Variants in DSCAM observed in about 807,000 individuals in gnomAD.
DSCAM encodes the protein DS cell adhesion molecule.
Under a neutral mutation model 217.7 loss-of-function variants are expected in DSCAM, and 47 were observed. The ratio of observed to expected loss-of-function variants is 0.22; its 90% CI spans 0.17 to 0.28. The LOEUF (loss-of-function observed/expected upper bound fraction) is 0.28, where lower values mean the gene tolerates loss of function less well. Among genes scored for constraint, DSCAM ranks in the 10% least tolerant of loss-of-function variants. The pLI is 1.00. For synonymous variants in DSCAM, 1,056 were observed against 1,015.3 expected (o/e 1.04, Z -0.76); for missense variants, 2,080 against 2,618.3 (o/e 0.79, Z 4.49).
intron 8 of DSCAM, among the ~76,000 whole-genome samples, chr21:40,331,383 C>T (rs540226899): frequency 3.3e-5 from 5 of 152,288 alleles, no homozygotes; most frequent in African/African-American, 4.8e-5. Context: ...CATTAGAAGA[C>T]GGCATCCCCG....
intron 3 of DSCAM, among the ~76,000 whole-genome samples, chr21:40,589,767 C>T (rs757205380): frequency 1.3e-5 from 2 of 152,098 alleles, no homozygotes; most frequent in African/African-American, 2.4e-5. Flanking sequence ...CTAGCATGTG[C>T]GGTCATTACA....
intron 11 of DSCAM, among the ~76,000 whole-genome samples, chr21:40,226,462 C>T (rs2091333848): frequency 6.6e-6 from 1 of 152,016 alleles, no homozygotes; most frequent in African/African-American, 2.4e-5. Context: ...AGATATCAAG[C>T]AGCAGAAGAG....
intron 11 of DSCAM, among the ~76,000 whole-genome samples, chr21:40,204,912 A>T (rs2837496): frequency 0.04 from 6,086 of 152,320 alleles, 194 homozygotes; most frequent in East Asian, 0.13. Flanking sequence ...TCCAGCAGTG[A>T]AATGGGTAAA....
intron 3 of DSCAM, among the ~76,000 whole-genome samples, chr21:40,578,338 A>G (rs1028471964): frequency 6.6e-6 from 1 of 152,206 alleles, no homozygotes; most frequent in African/African-American, 2.4e-5. Context: ...TTTTGCATCT[A>G]GCTAAAGGAT....
chr21:40,651,669 T>C (rs145919921), intron 3 of DSCAM, among the ~76,000 whole-genome samples: 56 of 152,320 alleles, frequency 3.7e-4, no homozygotes, highest in African/African-American at 1.3e-3. Context: ...TCACCGCAGC[T>C]TTACAAGGCT....
chr21:40,196,767 T>C (rs1327487388), intron 11 of DSCAM, among the ~76,000 whole-genome samples: 2 of 152,168 alleles, frequency 1.3e-5, no homozygotes, highest in Admixed American at 6.6e-5. Flanking sequence ...CTAATTTTTA[T>C]GAGTGTTGAC....
At chr21:40,092,336 T>G (rs1286259261) in intron 21 of DSCAM, among the ~76,000 whole-genome samples, 1 of 152,206 alleles carries the variant, frequency 6.6e-6, no homozygotes, top group Non-Finnish European at 1.5e-5. Flanking sequence ...TCTGTTGGAC[T>G]ATATTATTAT....
chr21:40,695,292 C>A (rs550523348), intron 2 of DSCAM, among the ~76,000 whole-genome samples: 2 of 152,148 alleles, frequency 1.3e-5, no homozygotes, highest in African/African-American at 4.8e-5. Flanking sequence ...ATCACAGGAG[C>A]CATAAAAATA....
Position 40,846,711 on chromosome 21 carries a change from C to CG in DSCAM, c.-51_-50insC. ...GCGAGCGACGCGCCGGCCTCGCCCCCCGCGCTCCGCCCGGCCCGGCTCCGC... is the reference window on the plus strand; with the variant it reads ...GCGAGCGACGCGCCGGCCTCGCCCCCGCGCGCTCCGCCCGGCCCGGCTCCGC... On this transcript the variant is annotated 5_prime_UTR_variant, in exon 1 of 33. Coordinates refer to ENST00000400454, the MANE Select transcript of DSCAM (RefSeq NM_001389.5). 1 of 967,522 alleles carries CG rather than the reference C, an allele frequency of 1.0e-6. No individual in the cohort carries two copies. The highest frequency in any genetic ancestry group is 1.3e-6 in the Non-Finnish European group (1 of 790,186). 59.9% of individuals were successfully genotyped at this position (967,522 alleles called of 1,614,324 possible). A position where few individuals can be genotyped will look rare whatever the true frequency, so the allele number is the denominator to read the frequency against.
intron 3 of DSCAM, among the ~76,000 whole-genome samples, chr21:40,470,618 T>C (rs1333695305): frequency 3.3e-5 from 5 of 152,176 alleles, no homozygotes; most frequent in Non-Finnish European, 7.3e-5. Context: ...AGTGGCATGA[T>C]TGTTGGCTCA....
At chr21:40,467,452 A>G (rs1374355180) in intron 3 of DSCAM, among the ~76,000 whole-genome samples, 1 of 152,234 alleles carries the variant, frequency 6.6e-6, no homozygotes. Flanking sequence ...GGAAAGAATA[A>G]GTGTTCTGTT....
At chr21:40,606,743 T>C (rs13052117) in intron 3 of DSCAM, among the ~76,000 whole-genome samples, 18,879 of 152,264 alleles carry the variant, frequency 0.12, 1,656 homozygotes, top group African/African-American at 0.23. Context: ...CTCTCTGCTC[T>C]GTTTTCAGTC....
chr21:40,479,169 C>T (rs541049023), intron 3 of DSCAM, among the ~76,000 whole-genome samples: 3 of 152,214 alleles, frequency 2.0e-5, no homozygotes, highest in African/African-American at 7.2e-5. Context: ...TTATTGTCCT[C>T]AATTAAATGT....
At chr21:40,504,076 A>C (rs569083058) in intron 3 of DSCAM, among the ~76,000 whole-genome samples, 1 of 152,218 alleles carries the variant, frequency 6.6e-6, no homozygotes, top group African/African-American at 2.4e-5. Flanking sequence ...ATGGGACACA[A>C]TATCTCACCG....
intron 1 of DSCAM, among the ~76,000 whole-genome samples, chr21:40,709,561 C>G (rs2090755104): frequency 6.6e-6 from 1 of 152,162 alleles, no homozygotes; most frequent in Non-Finnish European, 1.5e-5. Flanking sequence ...CATTGTTCAA[C>G]TCCCACTTAT....
At chr21:40,303,710 G>A (rs2123468392) in intron 9 of DSCAM, among the ~76,000 whole-genome samples, 1 of 152,248 alleles carries the variant, frequency 6.6e-6, no homozygotes, top group Admixed American at 6.5e-5. Context: ...TAAAATCATA[G>A]CATGAGAATT....
intron 3 of DSCAM, among the ~76,000 whole-genome samples, chr21:40,403,278 A>C (rs2123780553): frequency 6.6e-6 from 1 of 152,228 alleles, no homozygotes; most frequent in Non-Finnish European, 1.5e-5. Context: ...ACAATTTTTT[A>C]ATGTCCAGGT....
At chr21:40,368,888 G>A (rs975470926) in intron 4 of DSCAM, among the ~76,000 whole-genome samples, 1 of 152,214 alleles carries the variant, frequency 6.6e-6, no homozygotes, top group Non-Finnish European at 1.5e-5. Flanking sequence ...ATGTGAATGT[G>A]TCAATTACTG....
intron 10 of DSCAM, among the ~76,000 whole-genome samples, chr21:40,295,148 A>G (rs1273243111): frequency 6.6e-6 from 1 of 152,170 alleles, no homozygotes; most frequent in African/African-American, 2.4e-5. Flanking sequence ...ATACCTCACA[A>G]TAATTAAACC....
Sources: allele counts gnomAD v4.1 joint callset (sites outside exome capture counted in the v4.1 genomes callset), GRCh38; gene constraint gnomAD v4.1.1; transcripts MANE v1.5; gene names NCBI Gene and HGNC (gene_info 2026-07-23, HGNC 2026-07-21).